ESRP1: variants seen among roughly 807,000 people sequenced by gnomAD.
The protein encoded by ESRP1 is epithelial splicing regulatory protein 1.
Under a neutral mutation model 81.7 loss-of-function variants are expected in ESRP1, and 33 were observed. The observed-to-expected ratio is 0.40, with a 90% CI of 0.31 to 0.54. The LOEUF (loss-of-function observed/expected upper bound fraction) is 0.54. Among genes scored for constraint, ESRP1 ranks in the 20% least tolerant of loss-of-function variants. The pLI is 0.41. For synonymous variants in ESRP1, 320 were observed against 303.3 expected (o/e 1.06, Z -0.57); for missense variants, 672 against 833.1 (o/e 0.81, Z 2.38).
At chr8:94,700,953 ATGTGTGTGTGTGTG>A (rs371493650) in intron 15 of ESRP1, among the ~76,000 whole-genome samples, 4 of 137,400 alleles carry the variant, frequency 2.9e-5, no homozygotes, top group Middle Eastern at 4.1e-3. Flanking sequence ...GTGTGTGTGT[ATGTGTGTGTGTGTG>A]TGTGTGTGTG....
chr8:94,660,222 C>G (rs1386008025), intron 4 of ESRP1, among the ~76,000 whole-genome samples: 4 of 152,184 alleles, frequency 2.6e-5, no homozygotes, highest in Non-Finnish European at 5.9e-5. Flanking sequence ...AAAGCTGATT[C>G]TCTTGTTATA....
At position 94,641,284 on chromosome 8, in the gene ESRP1, C is replaced by T. The variant is rs543609574; in HGVS notation, c.-35C>T. 2 of 1,560,260 alleles carry T rather than the reference C, an allele frequency of 1.3e-6. No homozygotes were observed. Among genetic ancestry groups the T allele is most frequent in the African/African-American group, 1.4e-5 (1 of 73,820 alleles). On this transcript the variant is annotated 5_prime_UTR_variant, in exon 1 of 16. Transcript: ENST00000433389. ...TCACTTCCACACCACCTTACCGCCT[C>T]CCGACCCCCCCTCTCCCCCTCCCCA...
intron 15 of ESRP1, among the ~76,000 whole-genome samples, chr8:94,701,871 A>G (rs186286071): frequency 1.6e-4 from 25 of 152,286 alleles, no homozygotes; most frequent in African/African-American, 5.5e-4. Flanking sequence ...TTGAGCCTGG[A>G]AGTTCAAGAA....
chr8:94,659,099 T>C (rs1413002694), intron 4 of ESRP1, among the ~76,000 whole-genome samples: 1 of 152,082 alleles, frequency 6.6e-6, no homozygotes, highest in Non-Finnish European at 1.5e-5. Flanking sequence ...CAGGCTGGTC[T>C]TGAATTCCTG....
intron 13 of ESRP1, among the ~76,000 whole-genome samples, chr8:94,690,276 AT>A (rs373440584): frequency 2.8e-3 from 169 of 61,358 alleles, no homozygotes; most frequent in African/African-American, 0.01. Flanking sequence ...TGCCTGGCTA[AT>A]TTTTTTTTTT....
chr8:94,692,627 AT>A (rs750110091), intron 13 of ESRP1, 49 bp from the exon 14 acceptor site: 1 of 1,568,356 alleles, frequency 6.4e-7, no homozygotes, highest in Admixed American at 1.8e-5. Flanking sequence ...TATAGTAAGT[AT>A]TCAACATTGT....
chr8:94,667,698 G>A (rs1255067171), intron 9 of ESRP1, among the ~76,000 whole-genome samples: 1 of 152,126 alleles, frequency 6.6e-6, no homozygotes, highest in Non-Finnish European at 1.5e-5. Flanking sequence ...CTACCACAAT[G>A]ACTTACTAGT....
chr8:94,691,977 C>CAAGTCATT (rs1162304314), intron 13 of ESRP1, among the ~76,000 whole-genome samples: 1 of 152,116 alleles, frequency 6.6e-6, no homozygotes, highest in Non-Finnish European at 1.5e-5. Flanking sequence ...GGTAATGACT[C>CAAGTCATT]AAGTTGTCAC....
chr8:94,645,654 A>T (rs1038446245), intron 3 of ESRP1, among the ~76,000 whole-genome samples: 33 of 147,220 alleles, frequency 2.2e-4, no homozygotes, highest in Non-Finnish European at 6.0e-5. Context: ...TATTTGGCAC[A>T]GAAATAAGCC....
At chr8:94,680,058 C>A (rs1808812953) in intron 13 of ESRP1, among the ~76,000 whole-genome samples, 1 of 151,894 alleles carries the variant, frequency 6.6e-6, no homozygotes, top group Non-Finnish European at 1.5e-5. Flanking sequence ...AACTTTTTTT[C>A]CCTGACTAAA....
intron 15 of ESRP1, 137 bp downstream of exon 15, chr8:94,697,098 G>A (rs7463889): frequency 1.2e-4 from 72 of 612,666 alleles, no homozygotes; most frequent in Admixed American, 4.5e-4. Context: ...TGGAAGGAAT[G>A]GAGACTAGAA....
intron 13 of ESRP1, among the ~76,000 whole-genome samples, chr8:94,689,384 T>A (rs1480577262): frequency 6.6e-6 from 1 of 151,966 alleles, no homozygotes; most frequent in East Asian, 1.9e-4. Flanking sequence ...AATGTTTCTC[T>A]AAGTCTATTA....
intron 15 of ESRP1, among the ~76,000 whole-genome samples, chr8:94,703,043 A>G (rs1809901337): frequency 6.6e-6 from 1 of 151,714 alleles, no homozygotes; most frequent in African/African-American, 2.4e-5. Context: ...TGCAGTTGTA[A>G]TTCTCAACTT....
intron 4 of ESRP1, among the ~76,000 whole-genome samples, chr8:94,647,378 A>G (rs1319241692): frequency 6.6e-6 from 1 of 152,208 alleles, no homozygotes; most frequent in Non-Finnish European, 1.5e-5. Flanking sequence ...TGAATGTTGT[A>G]TTAGACAGCT....
At chr8:94,676,187 C>T (rs1586222368) in intron 12 of ESRP1, among the ~76,000 whole-genome samples, 1 of 151,856 alleles carries the variant, frequency 6.6e-6, no homozygotes, top group Admixed American at 6.6e-5. Context: ...ATGGTGAAAC[C>T]CCCTCTCTAC....
intron 6 of ESRP1, among the ~76,000 whole-genome samples, chr8:94,663,065 G>A (rs1324255268): frequency 6.6e-6 from 1 of 152,062 alleles, no homozygotes; most frequent in African/African-American, 2.4e-5. Flanking sequence ...ATGACTTACT[G>A]GCATCTTTAG....
Position 94,641,424 on chromosome 8 carries a change from A to G in ESRP1, c.106A>G (p.Lys36Glu), listed in dbSNP as rs548563810. The G allele has an allele frequency of 3.1e-6, 5 of 1,613,748 alleles. No homozygotes were observed. Among genetic ancestry groups the G allele is most frequent in the African/African-American group, 1.3e-5 (1 of 74,948 alleles). The change falls in exon 1 of 16, where the codon AAA (lysine) becomes GAA (glutamate). Residue 36 changes from lysine to glutamate, a missense_variant. Transcript: ENST00000433389. ...DEKELILLFW[K>E]VVDLANKKVG... is the part of the protein sequence containing the mutation. ...GAAGGAGTTGATCCTGCTGTTCTGG[A>G]AAGTCGTGGATCTGGCCAACAAGAA...
chr8:94,674,869 T>C (rs893911141), intron 12 of ESRP1, among the ~76,000 whole-genome samples: 3 of 152,326 alleles, frequency 2.0e-5, no homozygotes. Flanking sequence ...ATTCTTTTTA[T>C]TTTATTTTTT....
intron 6 of ESRP1, among the ~76,000 whole-genome samples, chr8:94,663,702 A>G (rs187167831): frequency 6.6e-6 from 1 of 152,336 alleles, no homozygotes; most frequent in African/African-American, 2.4e-5. Flanking sequence ...AGCTTTGCCC[A>G]TAGAGAGAGA....
Sources: gnomAD v4.1 joint callset for allele counts (sites outside exome capture counted in the v4.1 genomes callset) on GRCh38, gnomAD v4.1.1 for gene constraint, MANE v1.5 for transcripts, NCBI Gene and HGNC (gene_info 2026-07-23, HGNC 2026-07-21) for gene names.